Variants in LATS2 observed in about 807,000 individuals in gnomAD.
The protein encoded by LATS2 is large tumor suppressor kinase 2.
In LATS2, 24 loss-of-function variants were observed where a neutral mutation model predicts 76.0. The observed-to-expected ratio is 0.32, with a 90% CI of 0.23 to 0.44. LATS2 has a LOEUF of 0.44. Among genes scored for constraint, LATS2 ranks in the 20% least tolerant of loss-of-function variants. LATS2 has a pLI of 1.00. For synonymous variants in LATS2, 692 were observed against 635.4 expected, an observed-to-expected ratio of 1.09 and a Z score of -1.34; for missense variants, 1,286 against 1,481.2, an observed-to-expected ratio of 0.87 and a Z score of 2.16.
At chr13:21,024,093 C>CAAAAAAAAAAAAAAAAA (rs748881098) in intron 2 of LATS2, among the ~76,000 whole-genome samples, 2 of 79,242 alleles carry the variant, frequency 2.5e-5, no homozygotes, top group African/African-American at 4.4e-5. Context: ...TCTCGCTGTG[C>CAAAAAAAAAAAAAAAAA]AAAAAAAAAA....
chr13:21,049,805 C>T (rs1297338616), intron 1 of LATS2, among the ~76,000 whole-genome samples: 1 of 152,058 alleles, frequency 6.6e-6, no homozygotes, highest in Non-Finnish European at 1.5e-5. Context: ...GGCTGGAAAG[C>T]TCTCTCTGGA....
chr13:20,982,859 T>C (rs370335321), intron 5 of LATS2, among the ~76,000 whole-genome samples: 136 of 151,310 alleles, frequency 9.0e-4, no homozygotes, highest in African/African-American at 2.9e-3. Context: ...GAGGTGGTGG[T>C]GCGTGACTGT....
intron 2 of LATS2, among the ~76,000 whole-genome samples, chr13:21,007,700 G>GTGTATATATA (rs1418724711): frequency 0.05 from 84 of 1,694 alleles, 13 homozygotes; most frequent in East Asian, 0.083. Flanking sequence ...TATATATATA[G>GTGTATATATA]TATGTATATA....
At chr13:20,989,367 C>A (rs1300683471) in intron 3 of LATS2, 63 bp from the exon 4 acceptor site, 8 of 1,561,742 alleles carry the variant, frequency 5.1e-6, no homozygotes, top group South Asian at 1.1e-5. Flanking sequence ...TCTGGCACTT[C>A]CAGGCTGGTC....
rs761628306 is a variant in LATS2 at position 20,983,561 on chromosome 13, G to A, written c.2145C>T (p.Ala715=). 6.2e-6 allele frequency: 10 copies of A among 1,613,968 alleles called. No individual in the cohort carries two copies. Among genetic ancestry groups the A allele is most frequent in the African/African-American group, 2.7e-5 (2 of 74,890 alleles). The change falls in exon 5 of 8, where the codon GCC becomes GCT. Residue 715 remains alanine (A), a synonymous_variant. Coordinates refer to ENST00000382592, the MANE Select transcript of LATS2 (RefSeq NM_014572.3). ...LNRNQVAHVK[A]ERDILAEADN... Reference sequence around the variant, plus strand: ...CTGCCTCGGCCAGGATGTCCCTCTCGGCCTTGACGTGGGCCACCTGATTCC... The same window carrying A: ...CTGCCTCGGCCAGGATGTCCCTCTCAGCCTTGACGTGGGCCACCTGATTCC...
intron 2 of LATS2, among the ~76,000 whole-genome samples, chr13:21,012,594 T>C (rs1871636663): frequency 6.6e-6 from 1 of 152,232 alleles, no homozygotes; most frequent in Admixed American, 6.5e-5. Flanking sequence ...TTCTACCTAG[T>C]AGTGTTCCTA....
chr13:21,030,311 C>T (rs1489266267), intron 2 of LATS2, among the ~76,000 whole-genome samples: 2 of 150,772 alleles, frequency 1.3e-5, no homozygotes, highest in African/African-American at 4.9e-5. Flanking sequence ...CTCTGCTGGC[C>T]GGGCGTGGTG....
At chr13:20,985,564 C>T (rs1368745723) in intron 4 of LATS2, among the ~76,000 whole-genome samples, 5 of 151,366 alleles carry the variant, frequency 3.3e-5, no homozygotes, top group Non-Finnish European at 5.9e-5. Context: ...CATGGTGAAA[C>T]CCCGTCTCTA....
intron 2 of LATS2, among the ~76,000 whole-genome samples, chr13:21,027,324 C>G (rs189437099): frequency 4.9e-4 from 74 of 152,186 alleles, no homozygotes; most frequent in Non-Finnish European, 4.0e-4. Flanking sequence ...CTTTTTTCCC[C>G]AAAGTTTTTA....
At position 20,974,943 on chromosome 13, in the gene LATS2, T is replaced by C; in HGVS notation, c.3194A>G (p.Gln1065Arg). Residue 1065 changes from glutamine to arginine, a missense_variant, in exon 8 of 8, where the codon CAG (glutamine) becomes CGG (arginine). This residue lies in a region of LATS2 where 210 missense variants were observed against 234.9 expected (regional missense o/e 0.89). Transcript: ENST00000382592. ...CPKPSGAEAS[Q>R]AESSDLESSD... ...GCTTTCTAAATCTGAGCTCTCAGCC[T>C]GTGAAGCTTCTGCTCCTGAAGGCTT... is the stretch of plus-strand genomic sequence containing the variant. 1 of 1,614,210 alleles carries C rather than the reference T, an allele frequency of 6.2e-7. No homozygotes were observed. The highest frequency in any genetic ancestry group is 1.3e-5 in the African/African-American group (1 of 75,054).
chr13:21,040,055 A>G (rs981404647), intron 2 of LATS2, among the ~76,000 whole-genome samples: 2 of 151,868 alleles, frequency 1.3e-5, no homozygotes, highest in African/African-American at 4.8e-5. Flanking sequence ...CCTGGGCAAT[A>G]AGAGCGAAAC....
chr13:21,030,116 C>T (rs984607837), intron 2 of LATS2, among the ~76,000 whole-genome samples: 13 of 150,832 alleles, frequency 8.6e-5, no homozygotes, highest in Non-Finnish European at 1.8e-4. Context: ...GAGCTAGACT[C>T]TACTTCAAAA....
chr13:21,061,251 C>T (rs1021518072), intron 1 of LATS2, 95 bp downstream of exon 1: 3 of 152,190 alleles, frequency 2.0e-5, no homozygotes, highest in Non-Finnish European at 4.4e-5. Flanking sequence ...CTCGGCACCA[C>T]AGTAGGTGCG....
In LATS2 at chr13:20,997,001, C is replaced by T. The variant is rs1229036772; in HGVS notation, c.343-5597G>A. ...TGGCAGCCTCGTCTCTTCTGGAGAGCGGTGACATGCACTGCAGTGGGCTAG... is the reference window on the plus strand; with the variant it reads ...TGGCAGCCTCGTCTCTTCTGGAGAGTGGTGACATGCACTGCAGTGGGCTAG... On this transcript the variant is annotated intron_variant, in intron 2 of 7. Transcript: ENST00000382592. Among the ~76,000 whole-genome samples the T allele has an allele frequency of 3.3e-5, 5 of 152,218 alleles. No homozygotes were observed. The East Asian group carries it at 7.7e-4, about 23-fold the overall frequency.
intron 1 of LATS2, among the ~76,000 whole-genome samples, chr13:21,052,881 T>C (rs1873322652): frequency 6.6e-6 from 1 of 152,110 alleles, no homozygotes; most frequent in Admixed American, 6.5e-5. Flanking sequence ...ATCCTGTGTA[T>C]GTCAAAGGCA....
At chr13:21,011,046 G>C (rs1871575293) in intron 2 of LATS2, among the ~76,000 whole-genome samples, 1 of 152,222 alleles carries the variant, frequency 6.6e-6, no homozygotes, top group African/African-American at 2.4e-5. Context: ...TTCCTTTCCA[G>C]AAAACTTTTG....
chr13:21,054,703 T>C (rs1873393866), intron 1 of LATS2, among the ~76,000 whole-genome samples: 1 of 149,180 alleles, frequency 6.7e-6, no homozygotes, highest in Non-Finnish European at 1.5e-5. Context: ...TGTTTATACC[T>C]GAGCAAAGAA....
Position 20,983,392 on chromosome 13 carries a change from T to C in LATS2, c.2314A>G (p.Ile772Val), listed in dbSNP as rs113758453. The C allele has an allele frequency of 5.5e-4, 893 of 1,614,140 alleles. 9 individuals are homozygous for C. In the African/African-American group the frequency reaches 9.3e-3, roughly 17 times the overall value. ...TCAATGGCCAAAGTCAGCTCTGCGA[T>C]GTAGAACCGGGCCAGGTGCTCAGGG... Reference protein sequence around the residue: ...VFPEHLARFYIAELTLAIESV... With the variant: ...VFPEHLARFYVAELTLAIESV... The change falls in exon 5 of 8, where the codon ATC becomes GTC. Residue 772 changes from isoleucine to valine, a missense_variant. Physicochemically the swap from Ile to Val is conservative, Grantham distance 29. Around this residue, in one of 5 missense-constraint regions of LATS2, gnomAD observed 247 missense variants for 385.4 expected, o/e 0.64. Coordinates refer to ENST00000382592, the MANE Select transcript of LATS2 (RefSeq NM_014572.3).
chr13:20,981,789 C>A, intron 5 of LATS2, 141 bp from the exon 6 acceptor site: 1 of 714,694 alleles, frequency 1.4e-6, no homozygotes, highest in East Asian at 2.8e-5. Context: ...CAGAGAATCC[C>A]CGCTGAGCTG....
Sources: allele counts gnomAD v4.1 joint callset (sites outside exome capture counted in the v4.1 genomes callset), GRCh38; gene constraint gnomAD v4.1.1; regional missense constraint gnomAD v4.1.1; transcripts MANE v1.5; gene names NCBI Gene and HGNC (gene_info 2026-07-23, HGNC 2026-07-21).